The following GRIK4 variants were observed in gnomAD, a reference collection of about 807,000 sequenced individuals.
The protein encoded by GRIK4 is glutamate ionotropic receptor kainate type subunit 4.
In GRIK4, 40 loss-of-function variants were observed where a neutral mutation model predicts 104.9. That is an observed-to-expected ratio of 0.38 (90% CI 0.30 to 0.50). The LOEUF is 0.50. Among genes scored for constraint, GRIK4 ranks in the 20% least tolerant of loss-of-function variants. The probability of loss-of-function intolerance (pLI) is 0.93; values close to 1 mark genes in which losing one functional copy is unlikely to be tolerated. For missense variants in GRIK4, 1,047 were observed against 1,308.1 expected (o/e 0.80, Z 3.08); for synonymous variants, 485 against 524.9 (o/e 0.92, Z 1.04).
intron 4 of GRIK4, among the ~76,000 whole-genome samples, chr11:120,806,980 G>A (rs1241801646): frequency 6.6e-6 from 1 of 152,062 alleles, no homozygotes; most frequent in East Asian, 1.9e-4. Context: ...TTAAAGTGAG[G>A]GTCACTTGTA....
chr11:120,788,174 G>T (rs761698954), intron 3 of GRIK4, among the ~76,000 whole-genome samples: 4 of 152,184 alleles, frequency 2.6e-5, no homozygotes, highest in South Asian at 2.1e-4. Context: ...CGGCTGCCTT[G>T]CATTATATTT....
rs1387155889 is a variant in GRIK4 at position 120,555,993 on chromosome 11, GTTC to G, written c.-159+44111_-159+44113del. On this transcript the variant is annotated intron_variant, in intron 1 of 20. Transcript: ENST00000527524. This position sits in a 1 kb window ranked among gnomAD's most constrained non-coding sequence, Gnocchi z 5.3. ...TTAGACTGTCGGCTACTTGAAACCA[GTTC>G]TTCTCATGGAAATGCATTTTCAGGA... Among the ~76,000 whole-genome samples the G allele has an allele frequency of 1.3e-5, 2 of 152,184 alleles. No homozygotes were observed. The highest frequency in any genetic ancestry group is 2.9e-5 in the Non-Finnish European group (2 of 68,024).
chr11:120,779,674 A>G (rs1387643789), intron 3 of GRIK4, among the ~76,000 whole-genome samples: 2 of 152,230 alleles, frequency 1.3e-5, no homozygotes, highest in Non-Finnish European at 2.9e-5. Flanking sequence ...AATGCCCACC[A>G]TATAAGGCAG....
At chr11:120,564,226 C>T (rs1948277844) in intron 1 of GRIK4, among the ~76,000 whole-genome samples, 2 of 152,242 alleles carry the variant, frequency 1.3e-5, no homozygotes, top group South Asian at 2.1e-4. Context: ...CACCAGGCAG[C>T]TGAATCCAGC....
In GRIK4 at chr11:120,843,869, G is replaced by A. The variant is rs139465349; in HGVS notation, c.744+7025G>A. Among the ~76,000 whole-genome samples the A allele has an allele frequency of 3.9e-5, 6 of 152,256 alleles. No individual in the cohort carries two copies. In the East Asian group the frequency reaches 1.2e-3, roughly 29 times the overall value. On this transcript the variant is annotated intron_variant, in intron 8 of 20. Transcript: ENST00000527524. ...GGAGAATGCCCCATCAGGTTGGGGA[G>A]TTCGTGTGACTCGTGGAAGCAGTTT...
chr11:120,755,340 C>T (rs1951633538), intron 3 of GRIK4, among the ~76,000 whole-genome samples: 1 of 152,106 alleles, frequency 6.6e-6, no homozygotes, highest in South Asian at 2.1e-4. Context: ...TACTCGGTGG[C>T]TCACACCTAT....
chr11:120,858,029 T>C (rs752429911), intron 8 of GRIK4, among the ~76,000 whole-genome samples: 12 of 152,180 alleles, frequency 7.9e-5, no homozygotes, highest in Non-Finnish European at 1.8e-4. Context: ...TTTGGGACAA[T>C]GGGAGTCGAT....
At chr11:120,614,614 A>G (rs1949082464) in intron 1 of GRIK4, among the ~76,000 whole-genome samples, 1 of 152,084 alleles carries the variant, frequency 6.6e-6, no homozygotes, top group Non-Finnish European at 1.5e-5. Flanking sequence ...CTGTAACCCC[A>G]CTCAGATGTA....
chr11:120,983,351 T>C (rs1454392722), intron 20 of GRIK4, among the ~76,000 whole-genome samples: 1 of 152,150 alleles, frequency 6.6e-6, no homozygotes, highest in Non-Finnish European at 1.5e-5. Flanking sequence ...ATCACCTCAC[T>C]CCCGATTTGG....
chr11:120,540,924 C>G (rs1208651297), intron 1 of GRIK4, among the ~76,000 whole-genome samples: 4 of 152,182 alleles, frequency 2.6e-5, no homozygotes, highest in African/African-American at 9.7e-5. Context: ...GCTGTGATCA[C>G]AAATCATTGC....
At chr11:120,641,152 A>G (rs1311941974) in intron 1 of GRIK4, among the ~76,000 whole-genome samples, 4 of 152,270 alleles carry the variant, frequency 2.6e-5, no homozygotes, top group African/African-American at 7.2e-5. Flanking sequence ...TGCAAATATC[A>G]CATGTGAATG....
chr11:120,824,293 A>G (rs1451154153), intron 6 of GRIK4, among the ~76,000 whole-genome samples: 1 of 152,168 alleles, frequency 6.6e-6, no homozygotes, highest in East Asian at 1.9e-4. Context: ...AGGAGATGTG[A>G]TGAGCAGCCC....
intron 11 of GRIK4, among the ~76,000 whole-genome samples, chr11:120,883,940 G>T (rs998846483): frequency 6.6e-6 from 1 of 152,224 alleles, no homozygotes; most frequent in African/African-American, 2.4e-5. Context: ...AGCAGCCTGC[G>T]TCAGTCAGCT....
intron 13 of GRIK4, among the ~76,000 whole-genome samples, chr11:120,931,501 A>G (rs1465389924): frequency 2.0e-5 from 3 of 152,194 alleles, no homozygotes; most frequent in African/African-American, 7.2e-5. Context: ...TTTCTTCACT[A>G]GAGCCGATTG....
At chr11:120,703,017 T>C (rs1950577237) in intron 3 of GRIK4, among the ~76,000 whole-genome samples, 1 of 152,242 alleles carries the variant, frequency 6.6e-6, no homozygotes, top group Admixed American at 6.5e-5. Flanking sequence ...AAAAGCAACA[T>C]AGCTGCCTTT....
At chr11:120,691,830 A>G (rs1026249400) in intron 3 of GRIK4, among the ~76,000 whole-genome samples, 6 of 152,288 alleles carry the variant, frequency 3.9e-5, no homozygotes, top group East Asian at 1.9e-4. Flanking sequence ...ATCCCCTGCC[A>G]GTGGCCTTAA....
chr11:120,806,148 G>A (rs1244520201), intron 4 of GRIK4, among the ~76,000 whole-genome samples: 1 of 152,170 alleles, frequency 6.6e-6, no homozygotes, highest in East Asian at 1.9e-4. Flanking sequence ...TGTGGCTTTT[G>A]TTGTTGGCTT....
intron 3 of GRIK4, among the ~76,000 whole-genome samples, chr11:120,694,413 G>T (rs1043873331): frequency 1.3e-5 from 2 of 152,138 alleles, no homozygotes; most frequent in African/African-American, 2.4e-5. Flanking sequence ...AGTTTTTAGT[G>T]GTTGAACCTT....
At chr11:120,800,063 A>C (rs1241722237) in intron 3 of GRIK4, among the ~76,000 whole-genome samples, 2 of 150,442 alleles carry the variant, frequency 1.3e-5, no homozygotes, top group Non-Finnish European at 3.0e-5. Flanking sequence ...CATATTGGTC[A>C]GGTTGGTCTC....
Sources: allele counts gnomAD v4.1 joint callset (sites outside exome capture counted in the v4.1 genomes callset), GRCh38; gene constraint gnomAD v4.1.1; non-coding constraint Gnocchi (gnomAD v3.1); transcripts MANE v1.5; gene names NCBI Gene and HGNC (gene_info 2026-07-23, HGNC 2026-07-21).